The following OGFOD3 variants were observed in gnomAD, a reference collection of about 807,000 sequenced individuals.
The protein encoded by OGFOD3 is 2-oxoglutarate and iron dependent oxygenase domain containing 3.
OGFOD3 carries 35 observed loss-of-function variants against 39.8 expected under a neutral mutation model. The observed-to-expected ratio is 0.88, with a 90% CI of 0.67 to 1.17. The LOEUF (loss-of-function observed/expected upper bound fraction) is 1.17, where lower values mean the gene tolerates loss of function less well. Ranked by LOEUF, OGFOD3 falls within the 50% of genes most tolerant of loss-of-function variation. The pLI is 0.00. For missense variants in OGFOD3, 438 were observed against 454.5 expected (o/e 0.96, Z 0.33); for synonymous variants, 200 against 192.0 (o/e 1.04, Z -0.34).
In OGFOD3 at chr17:82,418,518, C is replaced by G. The variant is rs563695420; in HGVS notation, c.-33G>C. On this transcript the variant is annotated 5_prime_UTR_variant, in exon 1 of 9. Transcript: ENST00000313056. The stretch of plus-strand genomic sequence containing the variant: ...GGCCGCCGCGGAGCCGGGCCGGACG[C>G]GGGCGCCAGGCCCGGGGACGAACGC... The G allele has an allele frequency of 1.4e-5, 18 of 1,285,282 alleles. No homozygotes were observed. The highest frequency in any genetic ancestry group is 1.8e-5 in the Non-Finnish European group (18 of 1,006,464). The allele number at this position is 1,285,282 out of a possible 1,614,324, so 79.6% of individuals were successfully genotyped here. A position where few individuals can be genotyped will look rare whatever the true frequency, so the allele number is the denominator to read the frequency against.
At chr17:82,411,085 C>T (rs543045633) in intron 3 of OGFOD3, among the ~76,000 whole-genome samples, 173 of 149,272 alleles carry the variant, frequency 1.2e-3, no homozygotes, top group Non-Finnish European at 1.9e-3. Flanking sequence ...CTCGCTCTGT[C>T]GCCCAGGATG....
intron 2 of OGFOD3, among the ~76,000 whole-genome samples, chr17:82,413,947 A>G (rs537242870): frequency 6.6e-6 from 1 of 152,276 alleles, no homozygotes; most frequent in East Asian, 1.9e-4. Context: ...TGTAAAATAT[A>G]TACAAGATAG....
At position 82,396,476 on chromosome 17, in the gene OGFOD3, CAT is replaced by C. The variant is rs1478349358; in HGVS notation, c.823+1718_823+1719del. The C allele has an allele frequency of 3.3e-5, 5 of 152,004 alleles. No homozygotes were observed. The East Asian group carries it at 9.6e-4, about 29-fold the overall frequency. 9.4% of individuals were successfully genotyped at this position (152,004 alleles called of 1,614,324 possible). A position where few individuals can be genotyped will look rare whatever the true frequency, so the allele number is the denominator to read the frequency against. On this transcript the variant is annotated intron_variant, in intron 8 of 8. Transcript: ENST00000313056. The stretch of plus-strand genomic sequence containing the variant: ...TATGACATCAAATCACAGGTAAACA[CAT>C]AGATACAATTAGACATGTATGACAT...
At position 82,404,078 on chromosome 17, in the gene OGFOD3, C is replaced by G; in HGVS notation, c.558G>C (p.Gln186His). 1 of 1,598,570 alleles carries G rather than the reference C, an allele frequency of 6.3e-7. No individual in the cohort carries two copies. The highest frequency in any genetic ancestry group is 8.5e-7 in the Non-Finnish European group (1 of 1,171,578). Residue 186 changes from glutamine (Q) to histidine (H), a missense_variant, in exon 7 of 9, where the codon CAG (glutamine) becomes CAC (histidine). Physicochemically the swap from Gln to His is conservative, Grantham distance 24. Transcript: ENST00000313056. This position sits in a 1 kb window ranked among gnomAD's most constrained non-coding sequence, Gnocchi z 4.5. Reference protein sequence around the residue: ...EDFRLYREVRQKVQLTIAEAF... With the variant: ...EDFRLYREVRHKVQLTIAEAF... ...CCTCAGCAATGGTGAGCTGGACCTT[C>G]TGCCGCACCTCCCTGCAGAGGACAC...
chr17:82,395,714 G>A (rs974678056), intron 8 of OGFOD3, among the ~76,000 whole-genome samples: 8 of 152,180 alleles, frequency 5.3e-5, no homozygotes, highest in South Asian at 2.1e-4. Context: ...CCAGCTACTC[G>A]GGAGGCTGAG....
intron 4 of OGFOD3, among the ~76,000 whole-genome samples, chr17:82,407,531 T>C (rs1389848694): frequency 6.6e-6 from 1 of 152,136 alleles, no homozygotes; most frequent in Non-Finnish European, 1.5e-5. Context: ...TGCTGAAGTG[T>C]TTCCTGCCCG....
At chr17:82,395,611 G>A (rs2052659869) in intron 8 of OGFOD3, among the ~76,000 whole-genome samples, 1 of 152,136 alleles carries the variant, frequency 6.6e-6, no homozygotes, top group Non-Finnish European at 1.5e-5. Context: ...CACGAGGTCA[G>A]GAGATTGAGA....
intron 8 of OGFOD3, among the ~76,000 whole-genome samples, chr17:82,397,417 A>G (rs915602680): frequency 0.095 from 690 of 7,294 alleles, no homozygotes; most frequent in Middle Eastern, 0.25. Context: ...GGGGGGGGTG[A>G]GGGCAGTGCC....
At chr17:82,408,849 G>A (rs1435051909) in intron 4 of OGFOD3, among the ~76,000 whole-genome samples, 1 of 152,166 alleles carries the variant, frequency 6.6e-6, no homozygotes, top group African/African-American at 2.4e-5. Flanking sequence ...CGGGCTCCAG[G>A]TGAACACATT....
At position 82,398,223 on chromosome 17, in the gene OGFOD3, C is replaced by T. The variant is rs528194275; in HGVS notation, c.796G>A (p.Ala266Thr). 5 of 1,614,132 alleles carry T rather than the reference C, an allele frequency of 3.1e-6. No individual in the cohort carries two copies. In the South Asian group the frequency reaches 5.5e-5, roughly 18 times the overall value. The stretch of plus-strand genomic sequence containing the variant: ...GCTCTCGGCTCCACCGTCTTGTTGG[C>T]ACCCTCCTCCATGAACATGAACCGC... ...GGRFMFMEEG[A>T]NKTVEPRAGR... The change falls in exon 8 of 9, where the codon GCC (alanine) becomes ACC (threonine). Residue 266 changes from alanine to threonine, a missense_variant. Ala to Thr is a moderately conservative substitution (Grantham distance 58, BLOSUM62 0). Transcript: ENST00000313056.
chr17:82,408,681 A>G (rs1164797075), intron 4 of OGFOD3, among the ~76,000 whole-genome samples: 1 of 152,066 alleles, frequency 6.6e-6, no homozygotes. Context: ...CCATCATCAC[A>G]GGACCTTTTC....
At chr17:82,412,435 G>T (rs183130109) in intron 2 of OGFOD3, among the ~76,000 whole-genome samples, 1,967 of 125,712 alleles carry the variant, frequency 0.016, 71 homozygotes, top group African/African-American at 0.046. Flanking sequence ...CAGGGGCATG[G>T]TTATCGGGGC....
At chr17:82,398,073 A>T in intron 8 of OGFOD3, 123 bp downstream of exon 8, 1 of 1,256,814 alleles carries the variant, frequency 8.0e-7, no homozygotes, top group Non-Finnish European at 1.1e-6. Context: ...ATCACTCAGC[A>T]CCGGCCCGGC....
intron 7 of OGFOD3, among the ~76,000 whole-genome samples, 195 bp downstream of exon 7, chr17:82,403,742 G>A (rs1293056542): frequency 6.6e-6 from 1 of 151,806 alleles, no homozygotes; most frequent in Non-Finnish European, 1.5e-5. Context: ...CCACATGCGC[G>A]CTCACCCTGT....
intron 8 of OGFOD3, among the ~76,000 whole-genome samples, chr17:82,394,852 TG>T (rs1652837179): frequency 6.6e-6 from 1 of 152,118 alleles, no homozygotes; most frequent in Admixed American, 6.5e-5. Context: ...GTAAAAACCC[TG>T]GACACCAAGG....
At chr17:82,400,839 A>G (rs938145662) in intron 7 of OGFOD3, 1 of 152,234 alleles carries the variant, frequency 6.6e-6, no homozygotes, top group Non-Finnish European at 1.5e-5. Flanking sequence ...TCACTGAAGT[A>G]AAGTCTCTGC....
Position 82,403,969 on chromosome 17 carries a change from G to T in OGFOD3, c.667C>A (p.His223Asn). Residue 223 changes from histidine (H) to asparagine (N), a missense_variant, in exon 7 of 9, where the codon CAC becomes AAC. By Grantham distance (68) the His-to-Asn change is moderately conservative. Coordinates refer to ENST00000313056, the MANE Select transcript of OGFOD3 (RefSeq NM_024648.3). Reference sequence around the variant, plus strand: ...ACGTGCGCATGCCAGTACTCGTCGTGCGCCGTCCGCGCTTCCGTGCTGTTT... The same window carrying T: ...ACGTGCGCATGCCAGTACTCGTCGTTCGCCGTCCGCGCTTCCGTGCTGTTT... ...RINSTEARTA[H>N]DEYWHAHVDK... 1 of 1,608,590 alleles carries T rather than the reference G, an allele frequency of 6.2e-7. No homozygotes were observed.
rs138201382 is a variant in OGFOD3, at chr17:82,406,595, G to A, written c.424-113C>T. On this transcript the variant is annotated intron_variant, in intron 4 of 8. Transcript: ENST00000313056. The surrounding 1 kb of genome is among the most constrained non-coding windows in gnomAD (Gnocchi z 5.2). The stretch of plus-strand genomic sequence containing the variant: ...GGTCTGGCCAGCACACACCTCAGGT[G>A]TTTTTTTGTTTTTGTTTTTGTTTTT... The A allele has an allele frequency of 1.1e-3, 975 of 873,256 alleles. 1 individual carries two copies. The highest frequency in any genetic ancestry group is 0.011 in the African/African-American group (658 of 59,884). 54.1% of individuals were successfully genotyped at this position (873,256 alleles called of 1,614,324 possible).
chr17:82,400,166 C>G (rs940563670), intron 7 of OGFOD3, among the ~76,000 whole-genome samples: 6 of 152,216 alleles, frequency 3.9e-5, no homozygotes, highest in African/African-American at 1.4e-4. Context: ...TAAGGAAGCC[C>G]AGTCTCAGGT....
Sources: allele counts gnomAD v4.1 joint callset (sites outside exome capture counted in the v4.1 genomes callset), GRCh38; gene constraint gnomAD v4.1.1; non-coding constraint Gnocchi (gnomAD v3.1); transcripts MANE v1.5; gene names NCBI Gene and HGNC (gene_info 2026-07-23, HGNC 2026-07-21).